AK3: variants seen among roughly 807,000 people sequenced by gnomAD.
The protein encoded by AK3 is adenylate kinase 3, also known as GTP:AMP phosphotransferase AK3, mitochondrial.
A neutral mutation model predicts 23.7 loss-of-function variants in AK3; 27 were observed. The ratio of observed to expected loss-of-function variants is 1.14; its 90% confidence interval spans 0.84 to 1.57. The LOEUF (loss-of-function observed/expected upper bound fraction) is 1.57. Among genes scored for constraint, AK3 ranks in the 40% most tolerant of loss-of-function variants. AK3 has a pLI of 0.00. For missense variants in AK3, 406 were observed against 285.6 expected (o/e 1.42, Z -3.04); for synonymous variants, 159 against 116.0 (o/e 1.37, Z -2.38).
chr9:4,737,401 C>T (rs887892089), intron 1 of AK3, among the ~76,000 whole-genome samples: 4 of 151,976 alleles, frequency 2.6e-5, no homozygotes, highest in African/African-American at 9.7e-5. Flanking sequence ...CACCCTAATC[C>T]CCCAATAAAT....
intron 1 of AK3, among the ~76,000 whole-genome samples, chr9:4,729,320 T>G (rs1039443356): frequency 1.3e-5 from 2 of 152,064 alleles, no homozygotes; most frequent in Admixed American, 1.3e-4. Flanking sequence ...TAAATAAAAT[T>G]TTTTAAATTT....
intron 1 of AK3, among the ~76,000 whole-genome samples, chr9:4,733,788 C>T (rs1215531314): frequency 6.7e-6 from 1 of 148,636 alleles, no homozygotes; most frequent in Non-Finnish European, 1.5e-5. Flanking sequence ...GAAACCACAC[C>T]CCCAGCAAGG....
At chr9:4,739,417 C>G (rs1363174897) in intron 1 of AK3, among the ~76,000 whole-genome samples, 2 of 150,986 alleles carry the variant, frequency 1.3e-5, no homozygotes, top group African/African-American at 2.4e-5. Flanking sequence ...TGGTCTAGAA[C>G]TGCTAAGGTC....
Position 4,718,352 on chromosome 9 carries a change from G to A in AK3, c.563+67C>T, listed in dbSNP as rs552206664. On this transcript the variant is annotated intron_variant, in intron 4 of 4. Coordinates refer to ENST00000381809, the MANE Select transcript of AK3 (RefSeq NM_016282.4). The stretch of plus-strand genomic sequence containing the variant: ...GCATTTTAGCATTTCAGCTGTAGAG[G>A]AAGGAAAATCAAAACTAGACTTAGT... The A allele has an allele frequency of 8.4e-6, 10 of 1,186,962 alleles. No individual in the cohort carries two copies. In the South Asian group the frequency reaches 1.1e-4, roughly 13 times the overall value. 73.5% of individuals were successfully genotyped at this position (1,186,962 alleles called of 1,614,324 possible).
intron 1 of AK3, among the ~76,000 whole-genome samples, chr9:4,729,988 T>A (rs980030528): frequency 2.0e-5 from 3 of 152,184 alleles, no homozygotes; most frequent in African/African-American, 4.8e-5. Flanking sequence ...CAGTGGAATA[T>A]TATTCAGCAA....
chr9:4,735,256 T>C (rs1291678064), intron 1 of AK3, among the ~76,000 whole-genome samples: 2 of 16,542 alleles, frequency 1.2e-4, no homozygotes, highest in African/African-American at 9.9e-4. Context: ...AATATATATA[T>C]ATATAAATAT....
intron 1 of AK3, among the ~76,000 whole-genome samples, chr9:4,734,683 G>A (rs979647096): frequency 6.6e-6 from 1 of 152,164 alleles, no homozygotes. Context: ...TTTTAAAATT[G>A]TTCTTTAAGT....
At chr9:4,728,610 T>C (rs1054616328) in intron 1 of AK3, among the ~76,000 whole-genome samples, 7 of 151,998 alleles carry the variant, frequency 4.6e-5, no homozygotes, top group African/African-American at 1.7e-4. Flanking sequence ...GGTAAGAATG[T>C]GGAGAAACTG....
At chr9:4,726,142 G>C (rs561018305) in intron 1 of AK3, among the ~76,000 whole-genome samples, 1 of 152,184 alleles carries the variant, frequency 6.6e-6, no homozygotes, top group Non-Finnish European at 1.5e-5. Context: ...CCTTCAGAGA[G>C]TCTTAATCTT....
intron 1 of AK3, among the ~76,000 whole-genome samples, chr9:4,733,372 A>G (rs943923765): frequency 3.9e-5 from 6 of 152,204 alleles, no homozygotes; most frequent in Non-Finnish European, 8.8e-5. Flanking sequence ...ACTTGAGTCA[A>G]CAAAGTGGTT....
intron 1 of AK3, among the ~76,000 whole-genome samples, chr9:4,740,077 AGAAGGAAAAC>A (rs1842391888): frequency 7.2e-6 from 1 of 139,172 alleles, no homozygotes. Flanking sequence ...AAAAAAAAAA[AGAAGGAAAAC>A]AAAAGAAAAA....
chr9:4,734,376 T>C (rs1051927378), intron 1 of AK3, among the ~76,000 whole-genome samples: 2 of 152,212 alleles, frequency 1.3e-5, no homozygotes, highest in African/African-American at 4.8e-5. Flanking sequence ...AACACACATG[T>C]CCATCTGCCC....
chr9:4,740,010 G>C (rs1396238413), intron 1 of AK3, among the ~76,000 whole-genome samples: 1 of 146,698 alleles, frequency 6.8e-6, no homozygotes, highest in African/African-American at 2.5e-5. Context: ...GGGAACGAAA[G>C]AGGGCGTTGT....
At chr9:4,740,829 A>T in intron 1 of AK3, 108 bp downstream of exon 1, 1 of 1,282,464 alleles carries the variant, frequency 7.8e-7, no homozygotes, top group South Asian at 1.8e-5. Context: ...GGCGGGAGGG[A>T]AATGCCGCGC....
intron 1 of AK3, among the ~76,000 whole-genome samples, chr9:4,729,015 A>ATATATATATATT (rs71326127): frequency 5.4e-5 from 7 of 129,434 alleles, no homozygotes; most frequent in African/African-American, 1.8e-4. Context: ...ATATATATAT[A>ATATATATATATT]TTTTTTTTTT....
At chr9:4,732,291 A>G (rs769593948) in intron 1 of AK3, among the ~76,000 whole-genome samples, 1 of 152,014 alleles carries the variant, frequency 6.6e-6, no homozygotes, top group African/African-American at 2.4e-5. Context: ...TTGGTTTATT[A>G]TAAGAATACA....
chr9:4,723,312 A>T (rs774033643), intron 1 of AK3, among the ~76,000 whole-genome samples: 11 of 152,216 alleles, frequency 7.2e-5, no homozygotes, highest in Non-Finnish European at 1.2e-4. Flanking sequence ...TAAAAATAAG[A>T]ATCTGAAATC....
At chr9:4,719,367 G>T (rs562134037) in intron 2 of AK3, 60 bp from the exon 3 acceptor site, 3 of 610,126 alleles carry the variant, frequency 4.9e-6, no homozygotes, top group Non-Finnish European at 7.8e-6. Context: ...GGGTGGGGGT[G>T]GGGCGGGTGG....
intron 2 of AK3, among the ~76,000 whole-genome samples, chr9:4,720,728 A>G (rs1427019218): frequency 1.3e-5 from 2 of 152,046 alleles, no homozygotes; most frequent in Admixed American, 6.5e-5. Context: ...CCGCACATGC[A>G]TAATTTGTTA....
Sources: gnomAD v4.1 joint callset for allele counts (sites outside exome capture counted in the v4.1 genomes callset) on GRCh38, gnomAD v4.1.1 for gene constraint, MANE v1.5 for transcripts, NCBI Gene and HGNC (gene_info 2026-07-23, HGNC 2026-07-21) for gene names.